BORCS5: variants seen among roughly 807,000 people sequenced by gnomAD.
BORCS5 encodes the protein BLOC-1-related complex subunit 5.
A neutral mutation model predicts 22.1 loss-of-function variants in BORCS5; 17 were observed. The observed-to-expected ratio is 0.77, with a 90% CI of 0.53 to 1.15. The LOEUF is 1.15. Ranked by LOEUF, BORCS5 falls within the 50% of genes most tolerant of loss-of-function variation. The pLI, the probability that BORCS5 is intolerant of heterozygous loss-of-function variation, is 0.00. For missense variants in BORCS5, 247 were observed against 253.2 expected (o/e 0.98, Z 0.17); for synonymous variants, 117 against 99.8 (o/e 1.17, Z -1.03).
chr12:12,376,241 T>A (rs549416894), intron 2 of BORCS5, among the ~76,000 whole-genome samples: 1 of 151,512 alleles, frequency 6.6e-6, no homozygotes, highest in South Asian at 2.1e-4. Flanking sequence ...CAGTCTTTTT[T>A]TTTTTTTTTT....
In BORCS5 at chr12:12,443,719, C is replaced by T. The variant is rs369289142; in HGVS notation, c.360+7934C>T. 1.4e-4 allele frequency among the ~76,000 whole-genome samples: 22 copies of T among 152,362 alleles called. No homozygotes were observed. In the South Asian group the frequency reaches 1.7e-3, roughly 11 times the overall value. Reference sequence around the variant, plus strand: ...ACTGCTCTGAGATTTAACTCCATTCCGCTTTTGGACAATGACATATGAGCA... The same window carrying T: ...ACTGCTCTGAGATTTAACTCCATTCTGCTTTTGGACAATGACATATGAGCA... On this transcript the variant is annotated intron_variant, in intron 3 of 3. Transcript: ENST00000314565.
At chr12:12,371,317 C>T (rs1331018536) in intron 2 of BORCS5, among the ~76,000 whole-genome samples, 4 of 152,062 alleles carry the variant, frequency 2.6e-5, no homozygotes, top group African/African-American at 7.2e-5. Flanking sequence ...TTTGGCAACA[C>T]GATCTTGCCC....
At chr12:12,417,907 G>T (rs1942010201) in intron 2 of BORCS5, among the ~76,000 whole-genome samples, 2 of 151,984 alleles carry the variant, frequency 1.3e-5, no homozygotes, top group African/African-American at 4.8e-5. Flanking sequence ...CTCTCACAGT[G>T]CTGGGAGTAC....
chr12:12,389,680 G>A (rs569979839), intron 2 of BORCS5, among the ~76,000 whole-genome samples: 1 of 152,030 alleles, frequency 6.6e-6, no homozygotes, highest in Non-Finnish European at 1.5e-5. Flanking sequence ...GTCTCGCTCT[G>A]TCGCCCAGGC....
chr12:12,435,648 TC>T lies in BORCS5; in HGVS notation c.227del (p.Pro76GlnfsTer50). ...TGAAGGGCTATTGAGTGGCCAGACT[TC>T]CCCAACAAATGCCAAATTGGAGAAA... ...LLKGLLSGQTSPTNAKLEKLD... is the reference protein window; with the variant it reads ...LLKGLLSGQTXPTNAKLEKLD... On this transcript the variant is annotated frameshift_variant, in exon 3 of 4. Transcript: ENST00000314565. LOFTEE classifies it high-confidence loss of function. 6.2e-7 allele frequency: 1 copy of T among 1,613,936 alleles called. No individual in the cohort carries two copies. Among genetic ancestry groups the T allele is most frequent in the Non-Finnish European group, 8.5e-7 (1 of 1,179,962 alleles).
chr12:12,415,576 A>AGGGGGGGGGGGG (rs1565887960), intron 2 of BORCS5, among the ~76,000 whole-genome samples: 3 of 37,918 alleles, frequency 7.9e-5, no homozygotes, highest in South Asian at 1.2e-3. Flanking sequence ...GGGGAGGGGG[A>AGGGGGGGGGGGG]GGGGCGATTT....
rs972126588 is a variant in BORCS5, at chr12:12,465,910, G to A, written c.*134G>A. 9 of 679,344 alleles carry A rather than the reference G, an allele frequency of 1.3e-5. No individual in the cohort carries two copies. Among genetic ancestry groups the A allele is most frequent in the Admixed American group, 5.9e-5 (2 of 33,924 alleles). 42.1% of individuals were successfully genotyped at this position (679,344 alleles called of 1,614,324 possible). On this transcript the variant is annotated 3_prime_UTR_variant, in exon 4 of 4. Transcript: ENST00000314565. ...CCTGAAAGTGGGTGCGAAGGAGTCC[G>A]GCTGGCATGAAAATCTGACTTTGCC...
At chr12:12,407,790 C>T (rs1422577041) in intron 2 of BORCS5, among the ~76,000 whole-genome samples, 1 of 151,366 alleles carries the variant, frequency 6.6e-6, no homozygotes, top group Non-Finnish European at 1.5e-5. Flanking sequence ...ACTGCGACCT[C>T]CCTCTACCTT....
intron 2 of BORCS5, among the ~76,000 whole-genome samples, chr12:12,416,432 CTTTT>C (rs1392399975): frequency 1.3e-5 from 2 of 151,324 alleles, no homozygotes; most frequent in African/African-American, 2.4e-5. Flanking sequence ...TGAGATCTTT[CTTTT>C]TATTTTTTAT....
intron 2 of BORCS5, among the ~76,000 whole-genome samples, chr12:12,373,520 A>G (rs536163096): frequency 7.2e-5 from 11 of 152,296 alleles, no homozygotes; most frequent in Non-Finnish European, 1.5e-4. Context: ...GTTGTTTATT[A>G]TTGCATAATA....
chr12:12,373,146 A>T (rs1863567670), intron 2 of BORCS5, among the ~76,000 whole-genome samples: 1 of 152,148 alleles, frequency 6.6e-6, no homozygotes, highest in Non-Finnish European at 1.5e-5. Context: ...GAGGGGAGAG[A>T]GGTTCCTTCT....
chr12:12,396,744 C>T (rs1941357582), intron 2 of BORCS5, among the ~76,000 whole-genome samples: 1 of 152,120 alleles, frequency 6.6e-6, no homozygotes, highest in South Asian at 2.1e-4. Flanking sequence ...TAGGAATTTA[C>T]GGTACTCATG....
intron 2 of BORCS5, among the ~76,000 whole-genome samples, chr12:12,386,486 T>C (rs1454989720): frequency 6.7e-6 from 1 of 149,790 alleles, no homozygotes; most frequent in East Asian, 1.9e-4. Context: ...TAGTTCGTTC[T>C]CTTTTTTTGA....
At chr12:12,404,601 T>C (rs998199734) in intron 2 of BORCS5, among the ~76,000 whole-genome samples, 1 of 152,218 alleles carries the variant, frequency 6.6e-6, no homozygotes, top group Non-Finnish European at 1.5e-5. Context: ...ATTCAAACCA[T>C]AGCAAGCACC....
At chr12:12,362,997 C>T (rs944262122) in intron 2 of BORCS5, among the ~76,000 whole-genome samples, 1 of 151,710 alleles carries the variant, frequency 6.6e-6, no homozygotes, top group Non-Finnish European at 1.5e-5. Context: ...ATGTGATTCT[C>T]TAAAGAAGTT....
intron 2 of BORCS5, among the ~76,000 whole-genome samples, chr12:12,367,280 T>G (rs568794671): frequency 5.3e-5 from 8 of 152,338 alleles, no homozygotes; most frequent in Non-Finnish European, 1.0e-4. Context: ...AATAAAAGTC[T>G]TTGCATTCAT....
At chr12:12,383,962 T>C (rs1308301232) in intron 2 of BORCS5, among the ~76,000 whole-genome samples, 1 of 151,346 alleles carries the variant, frequency 6.6e-6, no homozygotes, top group Non-Finnish European at 1.5e-5. Flanking sequence ...CACTGTTTTA[T>C]TTTCTTTAAT....
chr12:12,463,867 C>G (rs986787007), intron 3 of BORCS5, among the ~76,000 whole-genome samples: 2 of 152,178 alleles, frequency 1.3e-5, no homozygotes, highest in East Asian at 3.9e-4. Flanking sequence ...GCCTTGGAGG[C>G]CATTTCAGAT....
chr12:12,374,891 G>C (rs1333959434), intron 2 of BORCS5, among the ~76,000 whole-genome samples: 2 of 151,234 alleles, frequency 1.3e-5, no homozygotes, highest in African/African-American at 4.9e-5. Context: ...AGGAGGCAGA[G>C]GTTGCAGTGA....
Sources: allele counts gnomAD v4.1 joint callset (sites outside exome capture counted in the v4.1 genomes callset), GRCh38; gene constraint gnomAD v4.1.1; transcripts MANE v1.5; gene names NCBI Gene and HGNC (gene_info 2026-07-23, HGNC 2026-07-21).